IFTAP: variants seen among roughly 807,000 people sequenced by gnomAD.
The protein encoded by IFTAP is intraflagellar transport-associated protein.
Under a neutral mutation model 19.4 loss-of-function variants are expected in IFTAP, and 19 were observed. The ratio of observed to expected loss-of-function variants is 0.98; its 90% CI spans 0.68 to 1.44. The LOEUF (loss-of-function observed/expected upper bound fraction) is 1.44, where lower values mean the gene tolerates loss of function less well. IFTAP is among the 40% of genes most tolerant of loss of function. The pLI, the probability that IFTAP is intolerant of heterozygous loss-of-function variation, is 0.00. For synonymous variants in IFTAP, 85 were observed against 83.5 expected, an observed-to-expected ratio of 1.02 and a Z score of -0.10; for missense variants, 240 against 253.6, an observed-to-expected ratio of 0.95 and a Z score of 0.36.
At chr11:36,637,885 C>CTTT (rs11322653) in intron 4 of IFTAP, among the ~76,000 whole-genome samples, 5,795 of 145,792 alleles carry the variant, frequency 0.04, 386 homozygotes, top group African/African-American at 0.14. Context: ...TTATGTCAAT[C>CTTT]TTTTTTTTTT....
chr11:36,610,317 G>A (rs77576907), intron 2 of IFTAP, 78 bp downstream of exon 2: 139,770 of 1,308,160 alleles, frequency 0.11, 9,210 homozygotes, highest in African/African-American at 0.32. Context: ...GCTGCCTCTT[G>A]AGAAAGACTA....
intron 1 of IFTAP, among the ~76,000 whole-genome samples, chr11:36,608,127 A>G (rs1336720391): frequency 2.0e-5 from 3 of 152,236 alleles, no homozygotes; most frequent in African/African-American, 7.2e-5. Context: ...AAAGCTGTAA[A>G]GAATAACATA....
intron 2 of IFTAP, among the ~76,000 whole-genome samples, chr11:36,628,432 C>T (rs1228872428): frequency 1.3e-5 from 2 of 151,186 alleles, no homozygotes; most frequent in Non-Finnish European, 2.9e-5. Flanking sequence ...TCTGCCAAAC[C>T]AATTATGATT....
At chr11:36,618,547 T>C (rs1852179556) in intron 2 of IFTAP, among the ~76,000 whole-genome samples, 1 of 151,844 alleles carries the variant, frequency 6.6e-6, no homozygotes, top group Non-Finnish European at 1.5e-5. Flanking sequence ...TGGGGCAGAA[T>C]GTGTAGATGC....
chr11:36,639,385 G>GC (rs2133477019), intron 4 of IFTAP, among the ~76,000 whole-genome samples: 1 of 152,176 alleles, frequency 6.6e-6, no homozygotes, highest in East Asian at 1.9e-4. Context: ...AAGGTTGGCA[G>GC]CCTTGTTTGA....
At position 36,651,884 on chromosome 11, in the gene IFTAP, A is replaced by G. The variant is rs1270055933; in HGVS notation, c.498+3729A>G. On this transcript the variant is annotated intron_variant, in intron 5 of 5. Coordinates refer to ENST00000334307, the MANE Select transcript of IFTAP (RefSeq NM_138787.4). Reference sequence around the variant, plus strand: ...TTGTAGATGTGTGGTATTATTTCTGAGGGCTCTGTTCTGTTCCTTTGGTCT... The same window carrying G: ...TTGTAGATGTGTGGTATTATTTCTGGGGGCTCTGTTCTGTTCCTTTGGTCT... Among the ~76,000 whole-genome samples, 6 of 152,198 alleles carry G rather than the reference A, an allele frequency of 3.9e-5. No homozygotes were observed. In the East Asian group the frequency reaches 1.2e-3, roughly 29 times the overall value.
chr11:36,633,233 C>G (rs761523264), intron 2 of IFTAP, 51 bp from the exon 3 acceptor site: 5 of 1,367,060 alleles, frequency 3.7e-6, no homozygotes, highest in Non-Finnish European at 3.8e-6. Context: ...CAAAATAAAC[C>G]AGACTTGGTA....
At chr11:36,637,532 G>T (rs758211578) in intron 4 of IFTAP, among the ~76,000 whole-genome samples, 3 of 152,066 alleles carry the variant, frequency 2.0e-5, no homozygotes, top group Non-Finnish European at 4.4e-5. Context: ...ACACTGTTTT[G>T]GGTTTTGGGT....
chr11:36,631,886 T>C (rs1033352214), intron 2 of IFTAP, among the ~76,000 whole-genome samples: 2 of 151,216 alleles, frequency 1.3e-5, no homozygotes, highest in African/African-American at 4.9e-5. Context: ...CCCTGCACGC[T>C]TAGTTCTTCT....
In IFTAP at chr11:36,610,117, T is replaced by G; in HGVS notation, c.14T>G (p.Met5Arg). 6.2e-7 allele frequency: 1 copy of G among 1,613,166 alleles called. No homozygotes were observed. Among genetic ancestry groups the G allele is most frequent in the South Asian group, 1.1e-5 (1 of 91,000 alleles). Reference protein sequence around the residue: MSAHMSGLEIMDEDQ... With the variant: MSAHRSGLEIMDEDQ... ...TCATGAATAGGAATGTCTGCCCATATGTCAGGATTGGAAATAATGGATGAA... is the reference window on the plus strand; with the variant it reads ...TCATGAATAGGAATGTCTGCCCATAGGTCAGGATTGGAAATAATGGATGAA... The change falls in exon 2 of 6, where the codon ATG (methionine) becomes AGG (arginine). Residue 5 changes from methionine to arginine, a missense_variant. By Grantham distance (91) the Met-to-Arg change is moderately conservative. Transcript: ENST00000334307.
chr11:36,613,380 T>C (rs376390484), intron 2 of IFTAP, among the ~76,000 whole-genome samples: 16 of 152,126 alleles, frequency 1.1e-4, no homozygotes, highest in African/African-American at 3.6e-4. Flanking sequence ...TGAATACTTA[T>C]ATTTGATTTT....
chr11:36,627,560 C>T (rs1243518358), intron 2 of IFTAP, among the ~76,000 whole-genome samples: 1 of 150,926 alleles, frequency 6.6e-6, no homozygotes, highest in Non-Finnish European at 1.5e-5. Flanking sequence ...GGCTGTGGTG[C>T]AAAAAAGAAA....
At chr11:36,605,704 C>G (rs1851671051) in intron 1 of IFTAP, among the ~76,000 whole-genome samples, 2 of 152,144 alleles carry the variant, frequency 1.3e-5, no homozygotes, top group Admixed American at 6.5e-5. Flanking sequence ...AGTGCATGCT[C>G]CCTGTATTTC....
Position 36,659,251 on chromosome 11 carries a change from A to G in IFTAP, c.*65A>G. On this transcript the variant is annotated 3_prime_UTR_variant, in exon 6 of 6. Transcript: ENST00000334307. ...TTGTTCTTATTCTAGCAACATTAGA[A>G]TAAAAGATAAACCTACTATAATTCC... 1.5e-6 allele frequency: 2 copies of G among 1,356,930 alleles called. No homozygotes were observed. Among genetic ancestry groups the G allele is most frequent in the Non-Finnish European group, 1.9e-6 (2 of 1,027,502 alleles). 84.1% of individuals were successfully genotyped at this position (1,356,930 alleles called of 1,614,324 possible). A position where few individuals can be genotyped will look rare whatever the true frequency, so the allele number is the denominator to read the frequency against.
intron 5 of IFTAP, among the ~76,000 whole-genome samples, chr11:36,653,676 T>C (rs547900062): frequency 4.6e-5 from 7 of 152,310 alleles, no homozygotes; most frequent in Non-Finnish European, 8.8e-5. Context: ...CAGTGATATC[T>C]TCTGAATTGC....
intron 1 of IFTAP, among the ~76,000 whole-genome samples, chr11:36,604,152 G>A (rs190295719): frequency 6.2e-4 from 95 of 152,246 alleles, no homozygotes; most frequent in African/African-American, 2.1e-3. Flanking sequence ...TGCATGGAAC[G>A]CAATTCATCT....
chr11:36,624,581 C>T (rs1439236750), intron 2 of IFTAP, among the ~76,000 whole-genome samples: 1 of 152,176 alleles, frequency 6.6e-6, no homozygotes, highest in Non-Finnish European at 1.5e-5. Context: ...ACCCACCTTT[C>T]CTAAACTGTT....
chr11:36,646,505 T>G (rs1469067898), intron 4 of IFTAP, among the ~76,000 whole-genome samples: 1 of 152,152 alleles, frequency 6.6e-6, no homozygotes, highest in South Asian at 2.1e-4. Flanking sequence ...GGGTGTGAAA[T>G]GTTTGGGAAA....
intron 5 of IFTAP, among the ~76,000 whole-genome samples, chr11:36,652,267 C>T (rs1453856745): frequency 6.6e-6 from 1 of 152,118 alleles, no homozygotes; most frequent in Non-Finnish European, 1.5e-5. Context: ...AGGTCCTTCA[C>T]GTCCCTTGTA....
Sources: gnomAD v4.1 joint callset for allele counts (sites outside exome capture counted in the v4.1 genomes callset) on GRCh38, gnomAD v4.1.1 for gene constraint, MANE v1.5 for transcripts, NCBI Gene and HGNC (gene_info 2026-07-23, HGNC 2026-07-21) for gene names.